The following MTDH variants were observed in gnomAD, a reference collection of about 807,000 sequenced individuals.
The protein encoded by MTDH is metadherin, also known as protein LYRIC.
MTDH carries 34 observed loss-of-function variants against 72.7 expected under a neutral mutation model. That is an observed-to-expected ratio of 0.47 (90% CI 0.36 to 0.62). MTDH has a LOEUF of 0.62. Among genes scored for constraint, MTDH ranks in the 20% least tolerant of loss-of-function variants. The pLI is 0.00. For synonymous variants in MTDH, 266 were observed against 268.9 expected (o/e 0.99, Z 0.10); for missense variants, 677 against 699.4 (o/e 0.97, Z 0.36).
intron 8 of MTDH, among the ~76,000 whole-genome samples, chr8:97,707,688 A>T (rs935754671): frequency 2.6e-5 from 4 of 151,962 alleles, no homozygotes; most frequent in African/African-American, 9.7e-5. Flanking sequence ...CTGTATTTGT[A>T]ATTTGCCAAC....
intron 2 of MTDH, among the ~76,000 whole-genome samples, chr8:97,665,669 C>G (rs1317878068): frequency 6.6e-6 from 1 of 152,154 alleles, no homozygotes; most frequent in African/African-American, 2.4e-5. Context: ...AACAAATGAA[C>G]ACAACCTGAC....
chr8:97,727,080 A>C lies in MTDH; in HGVS notation c.*2410A>C, dbSNP rs1815385035. 6.6e-6 allele frequency: 1 copy of C among 152,064 alleles called. No homozygotes were observed. The highest frequency in any genetic ancestry group is 2.1e-4 in the South Asian group (1 of 4,828). 9.4% of individuals were successfully genotyped at this position (152,064 alleles called of 1,614,324 possible). On this transcript the variant is annotated 3_prime_UTR_variant, in exon 12 of 12. Transcript: ENST00000336273. ...AACAGAAGGAGACTCCGTCTCAAAA[A>C]AAAAAAAAAGATGGCAGCTATATAA...
At chr8:97,717,605 T>A (rs1334065803) in intron 9 of MTDH, among the ~76,000 whole-genome samples, 1 of 149,296 alleles carries the variant, frequency 6.7e-6, no homozygotes, top group East Asian at 2.0e-4. Context: ...ATATTCTTTA[T>A]GTATAATAAA....
At chr8:97,657,111 C>T (rs1414063689) in intron 1 of MTDH, among the ~76,000 whole-genome samples, 1 of 152,090 alleles carries the variant, frequency 6.6e-6, no homozygotes, top group East Asian at 1.9e-4. Flanking sequence ...TTACTACCAC[C>T]CCTGCCAGCA....
At chr8:97,708,581 CTTTTTTTTTTTTTTTTTTTTTTTT>C (rs1174573079) in intron 8 of MTDH, among the ~76,000 whole-genome samples, 1 of 30,238 alleles carries the variant, frequency 3.3e-5, no homozygotes, top group African/African-American at 2.5e-4. Flanking sequence ...CATGCCAGGC[CTTTTTTTTTTTTTTTTTTTTTTTT>C]TTTTTTTTTT....
chr8:97,711,651 C>G (rs1023401852), intron 8 of MTDH, among the ~76,000 whole-genome samples: 11 of 152,162 alleles, frequency 7.2e-5, no homozygotes, highest in African/African-American at 2.4e-4. Context: ...GGATACATTC[C>G]AAGACTCCCA....
At chr8:97,722,054 T>G (rs1432085623) in intron 10 of MTDH, among the ~76,000 whole-genome samples, 11 of 152,204 alleles carry the variant, frequency 7.2e-5, no homozygotes, top group Non-Finnish European at 1.6e-4. Flanking sequence ...ACAAAAATTT[T>G]TGAAGCGTTC....
In MTDH at chr8:97,730,163, T is replaced by C. The variant is rs1042783301; in HGVS notation, c.*5493T>C. On this transcript the variant is annotated 3_prime_UTR_variant, in exon 12 of 12. Transcript: ENST00000336273. ...GGCATTCTTATTTGTATATATGTGC[T>C]TTCCTTTTTTATTTGTATCAAGGCA... Among the ~76,000 whole-genome samples, 1 of 152,238 alleles carries C rather than the reference T, an allele frequency of 6.6e-6. No individual in the cohort carries two copies. The highest frequency in any genetic ancestry group is 1.5e-5 in the Non-Finnish European group (1 of 68,044).
chr8:97,690,254 A>G (rs955434377), intron 5 of MTDH, among the ~76,000 whole-genome samples: 53 of 152,234 alleles, frequency 3.5e-4, no homozygotes, highest in African/African-American at 1.2e-3. Context: ...AGCCTCCCAA[A>G]GTGCTGGGAT....
chr8:97,701,255 A>G (rs1189428192), intron 7 of MTDH, among the ~76,000 whole-genome samples: 2 of 152,086 alleles, frequency 1.3e-5, no homozygotes, highest in African/African-American at 4.8e-5. Context: ...CCCCTCAGGT[A>G]CCAAAATCCC....
At chr8:97,694,524 A>G (rs1383824558) in intron 6 of MTDH, among the ~76,000 whole-genome samples, 1 of 152,092 alleles carries the variant, frequency 6.6e-6, no homozygotes, top group Non-Finnish European at 1.5e-5. Flanking sequence ...ACACCCTCAA[A>G]AATCAAACAC....
At chr8:97,716,296 G>A (rs574900954) in intron 9 of MTDH, among the ~76,000 whole-genome samples, 2 of 152,276 alleles carry the variant, frequency 1.3e-5, no homozygotes, top group East Asian at 1.9e-4. Context: ...TGAGGTAGGA[G>A]AATCACTTGA....
At chr8:97,648,601 C>T (rs1335841116) in intron 1 of MTDH, among the ~76,000 whole-genome samples, 1 of 152,006 alleles carries the variant, frequency 6.6e-6, no homozygotes, top group Non-Finnish European at 1.5e-5. Context: ...TCAAGCCATC[C>T]TCCCACTTTG....
chr8:97,686,781 A>C, intron 3 of MTDH, 29 bp downstream of exon 3: 1 of 1,479,496 alleles, frequency 6.8e-7, no homozygotes, highest in Non-Finnish European at 9.1e-7. Flanking sequence ...GGACTGTAGA[A>C]AATTTTTTAA....
intron 1 of MTDH, among the ~76,000 whole-genome samples, chr8:97,651,457 A>AC (rs1446367467): frequency 1.3e-5 from 2 of 152,206 alleles, no homozygotes; most frequent in Non-Finnish European, 2.9e-5. Flanking sequence ...AAAATATGTG[A>AC]CACTAAATAG....
chr8:97,657,597 AG>A (rs1812028865), intron 1 of MTDH, among the ~76,000 whole-genome samples: 1 of 151,936 alleles, frequency 6.6e-6, no homozygotes, highest in Non-Finnish European at 1.5e-5. Flanking sequence ...TTGACCTCCC[AG>A]GCTGAAGTGA....
At chr8:97,721,353 G>A (rs1186445876) in intron 10 of MTDH, among the ~76,000 whole-genome samples, 1 of 152,028 alleles carries the variant, frequency 6.6e-6, no homozygotes, top group Non-Finnish European at 1.5e-5. Flanking sequence ...TGAGGTGGGA[G>A]GATCATGTGA....
Position 97,670,652 on chromosome 8 carries a change from C to G in MTDH, c.483+9479C>G, listed in dbSNP as rs1053104970. ...TAAAATAAAAAATAAAAATAAATGCCTGAAACTGGATAATTTATAAAGAAA... is the reference window on the plus strand; with the variant it reads ...TAAAATAAAAAATAAAAATAAATGCGTGAAACTGGATAATTTATAAAGAAA... On this transcript the variant is annotated intron_variant, in intron 2 of 11. Transcript: ENST00000336273. Among the ~76,000 whole-genome samples the G allele has an allele frequency of 1.6e-4, 25 of 152,122 alleles. 1 individual carries two copies. The highest frequency in any genetic ancestry group is 3.1e-4 in the Non-Finnish European group (21 of 68,000).
intron 1 of MTDH, among the ~76,000 whole-genome samples, chr8:97,646,661 G>T (rs79726782): frequency 1.3e-5 from 2 of 152,108 alleles, no homozygotes; most frequent in Admixed American, 1.3e-4. Flanking sequence ...TACAGATTCC[G>T]GCGAATGCTT....
Sources: gnomAD v4.1 joint callset for allele counts (sites outside exome capture counted in the v4.1 genomes callset) on GRCh38, gnomAD v4.1.1 for gene constraint, MANE v1.5 for transcripts, NCBI Gene and HGNC (gene_info 2026-07-23, HGNC 2026-07-21) for gene names.